The following ITSN1 variants were observed in gnomAD, a reference collection of about 807,000 sequenced individuals.
ITSN1 encodes intersectin-1.
Under a neutral mutation model 239.8 loss-of-function variants are expected in ITSN1, and 58 were observed. The observed-to-expected ratio is 0.24, with a 90% CI of 0.20 to 0.30. The LOEUF is 0.30. Ranked by LOEUF, ITSN1 falls within the 10% of genes least tolerant of loss-of-function variation. ITSN1 has a pLI of 1.00. For missense variants in ITSN1, 1,558 were observed against 2,103.3 expected, an observed-to-expected ratio of 0.74 and a Z score of 5.07; for synonymous variants, 780 against 770.8, an observed-to-expected ratio of 1.01 and a Z score of -0.20.
At chr21:33,860,520 C>T (rs1204168393) in intron 31 of ITSN1, among the ~76,000 whole-genome samples, 1 of 152,074 alleles carries the variant, frequency 6.6e-6, no homozygotes, top group Non-Finnish European at 1.5e-5. Flanking sequence ...GTCTTTTAAC[C>T]CCCATCTGGG....
rs201139230 is a variant in ITSN1 at position 33,856,901 on chromosome 21, C to T, written c.3783+44C>T. 2.2e-4 allele frequency: 352 copies of T among 1,578,586 alleles called. 5 individuals are homozygous for T. The African/African-American group carries it at 3.9e-3, about 18-fold the overall frequency. On this transcript the variant is annotated intron_variant, in intron 30 of 39. Coordinates refer to ENST00000381318, the MANE Select transcript of ITSN1 (RefSeq NM_003024.3). Reference sequence around the variant, plus strand: ...CAGGGGGCACGGCAGGGGGCGATGACGGAGGGAGAGGGGAGGGTTCCGTCA... The same window carrying T: ...CAGGGGGCACGGCAGGGGGCGATGATGGAGGGAGAGGGGAGGGTTCCGTCA...
chr21:33,658,340 A>G (rs1311361169), intron 1 of ITSN1, among the ~76,000 whole-genome samples: 1 of 152,030 alleles, frequency 6.6e-6, no homozygotes, highest in African/African-American at 2.4e-5. Flanking sequence ...CACAGTTAAA[A>G]CTCATGTTAT....
chr21:33,779,146 A>T (rs1254908659), intron 14 of ITSN1, among the ~76,000 whole-genome samples: 14 of 125,432 alleles, frequency 1.1e-4, no homozygotes, highest in African/African-American at 1.8e-4. Context: ...GGCTTTATTG[A>T]TTTTCTCTGT....
At chr21:33,730,457 A>C (rs1339668001) in intron 4 of ITSN1, among the ~76,000 whole-genome samples, 1 of 114,282 alleles carries the variant, frequency 8.8e-6, no homozygotes, top group Non-Finnish European at 1.6e-5. Flanking sequence ...GCTGGAGTGC[A>C]GTGACGTGAT....
intron 1 of ITSN1, among the ~76,000 whole-genome samples, chr21:33,698,592 G>C (rs967188138): frequency 1.3e-5 from 2 of 152,196 alleles, no homozygotes; most frequent in Non-Finnish European, 2.9e-5. Context: ...ACATGTAGAA[G>C]CCACATTTGA....
chr21:33,797,874 T>C lies in ITSN1; in HGVS notation c.2182+266T>C, dbSNP rs1249443973. ...GCTAACAAGTGGCGTGAAGTTCCAG[T>C]GGTCTTATATGCTGCAAAAGAACCT... On this transcript the variant is annotated intron_variant, in intron 18 of 39. Coordinates refer to ENST00000381318, the MANE Select transcript of ITSN1 (RefSeq NM_003024.3). The surrounding 1 kb of genome is among the most constrained non-coding windows in gnomAD (Gnocchi z 4.9). 2.0e-5 allele frequency among the ~76,000 whole-genome samples: 3 copies of C among 152,118 alleles called. No individual in the cohort carries two copies. Among genetic ancestry groups the C allele is most frequent in the Admixed American group, 2.0e-4 (3 of 15,270 alleles).
chr21:33,830,741 A>G (rs937632364), intron 27 of ITSN1, among the ~76,000 whole-genome samples: 10 of 152,242 alleles, frequency 6.6e-5, no homozygotes, highest in African/African-American at 2.4e-4. Flanking sequence ...AAATTACTGT[A>G]CCAGTGTAAA....
At chr21:33,820,634 GAATTTTTTTTAGTTCATAGT>G (rs2073610825) in intron 24 of ITSN1, among the ~76,000 whole-genome samples, 1 of 152,122 alleles carries the variant, frequency 6.6e-6, no homozygotes, top group Non-Finnish European at 1.5e-5. Context: ...TTTAAAGTAA[GAATTTTTTTTAGTTCATAGT>G]ATAGCTATAA....
At chr21:33,812,195 T>C (rs1380797460) in intron 21 of ITSN1, among the ~76,000 whole-genome samples, 1 of 152,256 alleles carries the variant, frequency 6.6e-6, no homozygotes, top group Non-Finnish European at 1.5e-5. Flanking sequence ...TTGAAACTTT[T>C]CCTTACTCTT....
chr21:33,727,680 T>A, intron 4 of ITSN1, among the ~76,000 whole-genome samples: 1 of 151,888 alleles, frequency 6.6e-6, no homozygotes, highest in Middle Eastern at 3.2e-3. Context: ...TTCCTGAGTC[T>A]TTACCATCCA....
chr21:33,726,924 G>A (rs576427935), intron 4 of ITSN1, among the ~76,000 whole-genome samples: 22 of 152,320 alleles, frequency 1.4e-4, no homozygotes, highest in South Asian at 6.2e-4. Context: ...TGAGTGATAC[G>A]AACTGATGGA....
intron 25 of ITSN1, among the ~76,000 whole-genome samples, chr21:33,825,398 A>G (rs1408870992): frequency 6.6e-6 from 1 of 152,192 alleles, no homozygotes; most frequent in Non-Finnish European, 1.5e-5. Context: ...AAAGCAAAAT[A>G]TCCGACCCAA....
At position 33,888,247 on chromosome 21, in the gene ITSN1, C is replaced by T. The variant is rs1569348934; in HGVS notation, c.5113C>T (p.Pro1705Ser). The T allele has an allele frequency of 6.2e-7, 1 of 1,613,980 alleles. No homozygotes were observed. The highest frequency in any genetic ancestry group is 8.5e-7 in the Non-Finnish European group (1 of 1,180,024). Residue 1705 changes from proline to serine, a missense_variant, in exon 40 of 40, where the codon CCC becomes TCC. Coordinates refer to ENST00000381318, the MANE Select transcript of ITSN1 (RefSeq NM_003024.3). ...GAAGTGTCTTCTGCTGCACGAAGTC[C>T]CCACGGGAGAGATTGTGGTCCGCTT... Reference protein sequence around the residue: ...VTKCLLLHEVPTGEIVVRLDL... With the variant: ...VTKCLLLHEVSTGEIVVRLDL...
intron 6 of ITSN1, 79 bp from the exon 7 acceptor site, chr21:33,751,731 T>A (rs1313093729): frequency 9.4e-6 from 10 of 1,063,796 alleles, no homozygotes; most frequent in Non-Finnish European, 1.2e-5. Flanking sequence ...ATTTGTTGAC[T>A]GTGCATTTTA....
chr21:33,759,550 T>A (rs2068148160), intron 8 of ITSN1, among the ~76,000 whole-genome samples: 2 of 152,222 alleles, frequency 1.3e-5, no homozygotes, highest in Admixed American at 6.5e-5. Context: ...TCTACTTTGT[T>A]ACCAACATTC....
At chr21:33,757,505 A>G (rs1383311664) in intron 8 of ITSN1, among the ~76,000 whole-genome samples, 1 of 152,238 alleles carries the variant, frequency 6.6e-6, no homozygotes, top group African/African-American at 2.4e-5. Context: ...AGAATAATTT[A>G]TTACAGTAAA....
At chr21:33,755,997 A>T (rs1400701096) in intron 8 of ITSN1, among the ~76,000 whole-genome samples, 2 of 152,192 alleles carry the variant, frequency 1.3e-5, no homozygotes, top group Non-Finnish European at 2.9e-5. Context: ...GAAGGTTTAA[A>T]TACTTGTTAG....
intron 36 of ITSN1, 96 bp downstream of exon 36, chr21:33,883,767 G>A (rs1402934639): frequency 9.7e-6 from 14 of 1,441,912 alleles, no homozygotes; most frequent in Admixed American, 1.9e-5. Context: ...TGTTTCCCAA[G>A]TGGCAATGCC....
chr21:33,771,907 G>A (rs2069192927), intron 11 of ITSN1, 154 bp from the exon 12 acceptor site: 1 of 752,122 alleles, frequency 1.3e-6, no homozygotes, highest in African/African-American at 1.8e-5. Flanking sequence ...GGCAAAGGGG[G>A]TTTTCGTTGT....
Sources: allele counts gnomAD v4.1 joint callset (sites outside exome capture counted in the v4.1 genomes callset), GRCh38; gene constraint gnomAD v4.1.1; non-coding constraint Gnocchi (gnomAD v3.1); transcripts MANE v1.5; gene names NCBI Gene and HGNC (gene_info 2026-07-23, HGNC 2026-07-21).